The following SLC24A2 variants were observed in gnomAD, a reference collection of about 807,000 sequenced individuals.
SLC24A2 encodes the protein solute carrier family 24 member 2, also known as sodium/potassium/calcium exchanger 2.
A neutral mutation model predicts 62.0 loss-of-function variants in SLC24A2; 36 were observed. The ratio of observed to expected loss-of-function variants is 0.58; its 90% confidence interval spans 0.44 to 0.77. The LOEUF (loss-of-function observed/expected upper bound fraction) is 0.77. Ranked by LOEUF, SLC24A2 falls within the 30% of genes least tolerant of loss-of-function variation. The pLI, the probability that SLC24A2 is intolerant of heterozygous loss-of-function variation, is 0.00. For missense variants in SLC24A2, 846 were observed against 817.9 expected (o/e 1.03, Z -0.42); for synonymous variants, 358 against 294.0 (o/e 1.22, Z -2.23).
chr9:19,892,140 CTT>C, the SLC24A2 span, among the ~76,000 whole-genome samples: 3 of 152,178 alleles, frequency 2.0e-5, no homozygotes, highest in East Asian at 5.8e-4. Context: ...TTTGCACTTG[CTT>C]TTTCTTCCGT....
the SLC24A2 span, among the ~76,000 whole-genome samples, chr9:20,050,523 G>C: frequency 6.6e-6 from 1 of 152,184 alleles, no homozygotes; most frequent in Non-Finnish European, 1.5e-5. Context: ...AGAAAAGACA[G>C]AGGAATAGAG....
chr9:19,548,198 G>A lies in SLC24A2; in HGVS notation c.1479+1939C>T, dbSNP rs143747738. 1.1e-3 allele frequency among the ~76,000 whole-genome samples: 169 copies of A among 148,354 alleles called. 7 individuals carry two copies. Among genetic ancestry groups the A allele is most frequent in the African/African-American group, 3.9e-3 (147 of 37,756 alleles). ...GTCTTTTTCAAATGAAGGAGCTCTTGAAGACTTATGATAAATTATGCTGGA... is the reference window on the plus strand; with the variant it reads ...GTCTTTTTCAAATGAAGGAGCTCTTAAAGACTTATGATAAATTATGCTGGA... On this transcript the variant is annotated intron_variant, in intron 8 of 10. Coordinates refer to ENST00000341998, the MANE Select transcript of SLC24A2 (RefSeq NM_020344.4).
At chr9:19,600,842 G>T (rs7864291) in intron 4 of SLC24A2, among the ~76,000 whole-genome samples, 1 of 152,012 alleles carries the variant, frequency 6.6e-6, no homozygotes, top group Non-Finnish European at 1.5e-5. Context: ...GGGCTGGGGA[G>T]GGGGAGAGCG....
the SLC24A2 span, among the ~76,000 whole-genome samples, chr9:20,245,667 AC>A: frequency 6.6e-6 from 1 of 152,176 alleles, no homozygotes; most frequent in Non-Finnish European, 1.5e-5. Context: ...AGATTTTTGG[AC>A]TATGGAAGTA....
intron 2 of SLC24A2, among the ~76,000 whole-genome samples, chr9:19,713,724 C>T (rs911688763): frequency 6.6e-6 from 1 of 152,074 alleles, no homozygotes; most frequent in Non-Finnish European, 1.5e-5. Context: ...TCAGTAACTC[C>T]AGCCCTAGGA....
chr9:19,552,805 C>T (rs904354361), intron 7 of SLC24A2, among the ~76,000 whole-genome samples: 3 of 152,212 alleles, frequency 2.0e-5, no homozygotes, highest in Non-Finnish European at 4.4e-5. Flanking sequence ...TCTCCATCTG[C>T]CAAAGTCACC....
chr9:20,038,208 C>G, the SLC24A2 span, among the ~76,000 whole-genome samples: 1 of 152,114 alleles, frequency 6.6e-6, no homozygotes, highest in African/African-American at 2.4e-5. Context: ...TCTGCCATTT[C>G]CCAGCTGTGT....
At chr9:20,078,895 G>C in the SLC24A2 span, among the ~76,000 whole-genome samples, 2 of 152,182 alleles carry the variant, frequency 1.3e-5, no homozygotes, top group Non-Finnish European at 2.9e-5. Flanking sequence ...AATAAGCTTT[G>C]TATAATTATA....
At chr9:19,848,351 G>T in the SLC24A2 span, among the ~76,000 whole-genome samples, 1 of 152,028 alleles carries the variant, frequency 6.6e-6, no homozygotes, top group Non-Finnish European at 1.5e-5. Flanking sequence ...TCAAAGTTTG[G>T]CTCTGTTATC....
At chr9:20,247,790 T>C in the SLC24A2 span, among the ~76,000 whole-genome samples, 288 of 152,328 alleles carry the variant, frequency 1.9e-3, 2 homozygotes, top group African/African-American at 6.6e-3. Flanking sequence ...ACAGGCCACA[T>C]AGCATAACAG....
the SLC24A2 span, among the ~76,000 whole-genome samples, chr9:19,800,319 G>A: frequency 4.6e-5 from 7 of 152,042 alleles, no homozygotes; most frequent in Non-Finnish European, 1.0e-4. Context: ...GAGGCCCCAA[G>A]GTATAGCCTT....
At chr9:20,061,696 C>G in the SLC24A2 span, among the ~76,000 whole-genome samples, 1 of 152,032 alleles carries the variant, frequency 6.6e-6, no homozygotes, top group Non-Finnish European at 1.5e-5. Context: ...CAAAATGGAT[C>G]ATCAATATCA....
At chr9:19,820,024 T>TATAC in the SLC24A2 span, among the ~76,000 whole-genome samples, 5 of 60,320 alleles carry the variant, frequency 8.3e-5, no homozygotes, top group African/African-American at 2.1e-4. Context: ...TATATATATA[T>TATAC]ACACATATAT....
chr9:19,546,437 G>C (rs995367073), intron 8 of SLC24A2, among the ~76,000 whole-genome samples: 42 of 152,242 alleles, frequency 2.8e-4, no homozygotes, highest in African/African-American at 8.9e-4. Context: ...TTGCTGAGCT[G>C]CAGTGGGCTC....
chr9:19,749,053 C>T (rs896029846), intron 2 of SLC24A2, among the ~76,000 whole-genome samples: 1 of 149,328 alleles, frequency 6.7e-6, no homozygotes, highest in Non-Finnish European at 1.5e-5. Flanking sequence ...CATCATAAGC[C>T]CCTGAGGTTC....
the SLC24A2 span, among the ~76,000 whole-genome samples, chr9:19,969,183 CCACACACACACACA>C: frequency 3.4e-4 from 41 of 122,268 alleles, no homozygotes; most frequent in Non-Finnish European, 4.5e-4. Flanking sequence ...ACCTCCTTTG[CCACACACACACACA>C]CACACACACA....
chr9:19,550,379 G>C (rs1834785054), intron 7 of SLC24A2, 111 bp from the exon 8 acceptor site: 13 of 1,126,076 alleles, frequency 1.2e-5, no homozygotes, highest in Non-Finnish European at 1.6e-5. Flanking sequence ...CAGTTTTCTG[G>C]ACTCGTTCCA....
chr9:20,305,790 C>T, the SLC24A2 span, among the ~76,000 whole-genome samples: 1 of 152,246 alleles, frequency 6.6e-6, no homozygotes, highest in Non-Finnish European at 1.5e-5. Flanking sequence ...GCCAGGGTTG[C>T]CTTAACAAAG....
intron 2 of SLC24A2, among the ~76,000 whole-genome samples, chr9:19,756,259 G>GATGA (rs531031447): frequency 6.6e-5 from 10 of 152,226 alleles, no homozygotes; most frequent in Admixed American, 5.9e-4. Flanking sequence ...ATAAATATTT[G>GATGA]ATGAATGAAT....
Sources: allele counts gnomAD v4.1 joint callset (sites outside exome capture counted in the v4.1 genomes callset), GRCh38; gene constraint gnomAD v4.1.1; transcripts MANE v1.5; gene names NCBI Gene and HGNC (gene_info 2026-07-23, HGNC 2026-07-21).